Variants in SLC14A2 observed in about 807,000 individuals in gnomAD.
SLC14A2 encodes the protein urea transporter 2.
Under a neutral mutation model 104.6 loss-of-function variants are expected in SLC14A2, and 91 were observed. The observed-to-expected ratio is 0.87, with a 90% CI of 0.73 to 1.04. The LOEUF is 1.04. Ranked by LOEUF, SLC14A2 falls within the 50% of genes least tolerant of loss-of-function variation. The pLI, the probability that SLC14A2 is intolerant of heterozygous loss-of-function variation, is 0.00. For missense variants in SLC14A2, 1,189 were observed against 1,156.0 expected, an observed-to-expected ratio of 1.03 and a Z score of -0.41; for synonymous variants, 476 against 466.4, an observed-to-expected ratio of 1.02 and a Z score of -0.27.
intron 1 of SLC14A2, among the ~76,000 whole-genome samples, chr18:45,218,563 A>G (rs921530785): frequency 2.0e-5 from 3 of 152,256 alleles, no homozygotes; most frequent in South Asian, 2.1e-4. Context: ...AATATATGCC[A>G]TGTGGTACCC....
chr18:45,542,048 T>TTTG (rs2043895070), intron 2 of SLC14A2, among the ~76,000 whole-genome samples: 1 of 130,852 alleles, frequency 7.6e-6, no homozygotes, highest in South Asian at 2.6e-4. Context: ...TTTTTTTTTT[T>TTTG]TTTTTTTTTT....
At chr18:45,241,894 C>T (rs372096968) in intron 1 of SLC14A2, among the ~76,000 whole-genome samples, 17 of 152,104 alleles carry the variant, frequency 1.1e-4, no homozygotes, top group African/African-American at 3.4e-4. Flanking sequence ...TCACCTGCCT[C>T]GGCCTCCCAA....
intron 1 of SLC14A2, among the ~76,000 whole-genome samples, chr18:45,443,338 G>A (rs1266563393): frequency 3.9e-5 from 6 of 152,184 alleles, no homozygotes; most frequent in African/African-American, 1.4e-4. Context: ...GCAAAGTAAG[G>A]ATAACTATGT....
intron 1 of SLC14A2, among the ~76,000 whole-genome samples, chr18:45,284,085 T>G (rs938324656): frequency 6.6e-6 from 1 of 152,254 alleles, no homozygotes; most frequent in Non-Finnish European, 1.5e-5. Context: ...TATTTTTAAA[T>G]GTGACTGTAA....
At chr18:45,681,748 T>C (rs1002714241) in intron 19 of SLC14A2, among the ~76,000 whole-genome samples, 1 of 152,218 alleles carries the variant, frequency 6.6e-6, no homozygotes, top group African/African-American at 2.4e-5. Context: ...CCCAGTTTTT[T>C]CAGTTCCAGA....
intron 1 of SLC14A2, among the ~76,000 whole-genome samples, chr18:45,233,864 C>T (rs2084200069): frequency 6.7e-6 from 1 of 149,504 alleles, no homozygotes; most frequent in Non-Finnish European, 1.5e-5. Context: ...TTGCTTCTTA[C>T]CTTCTCACTT....
chr18:45,498,509 T>C (rs1027899013), intron 2 of SLC14A2, among the ~76,000 whole-genome samples: 1 of 152,286 alleles, frequency 6.6e-6, no homozygotes, highest in Admixed American at 6.5e-5. Context: ...ACACCATAAG[T>C]TCTACGGTAG....
intron 1 of SLC14A2, among the ~76,000 whole-genome samples, chr18:45,392,837 G>C (rs1313313574): frequency 6.6e-6 from 1 of 152,136 alleles, no homozygotes; most frequent in African/African-American, 2.4e-5. Context: ...AGTAAATGAA[G>C]ATAAAGCATG....
At chr18:45,407,569 G>A (rs1261086808) in intron 1 of SLC14A2, among the ~76,000 whole-genome samples, 1 of 152,184 alleles carries the variant, frequency 6.6e-6, no homozygotes, top group African/African-American at 2.4e-5. Flanking sequence ...ACTGGCTCAA[G>A]AATCCTAGCT....
At chr18:45,531,476 T>G (rs2043686251) in intron 2 of SLC14A2, among the ~76,000 whole-genome samples, 1 of 152,226 alleles carries the variant, frequency 6.6e-6, no homozygotes, top group South Asian at 2.1e-4. Flanking sequence ...TTTCATGTGT[T>G]TTTTGGCTGC....
At chr18:45,308,493 A>G (rs2085046298) in intron 1 of SLC14A2, among the ~76,000 whole-genome samples, 1 of 152,218 alleles carries the variant, frequency 6.6e-6, no homozygotes, top group African/African-American at 2.4e-5. Context: ...GAACTGCCAT[A>G]TTAATCGCTG....
chr18:45,618,719 T>TTGAGATTCA (rs1395266069), intron 1 of SLC14A2, among the ~76,000 whole-genome samples: 1 of 148,366 alleles, frequency 6.7e-6, no homozygotes, highest in Non-Finnish European at 1.5e-5. Context: ...ATGGGGCCAT[T>TTGAGATTCA]TGAGATTCAT....
chr18:45,422,261 C>T (rs1457054594), intron 1 of SLC14A2, among the ~76,000 whole-genome samples: 1 of 152,076 alleles, frequency 6.6e-6, no homozygotes, highest in African/African-American at 2.4e-5. Flanking sequence ...GCAGCTATTA[C>T]AGTGGTTTGA....
At chr18:45,531,643 T>C (rs960601736) in intron 2 of SLC14A2, among the ~76,000 whole-genome samples, 11 of 152,372 alleles carry the variant, frequency 7.2e-5, no homozygotes, top group African/African-American at 2.6e-4. Context: ...TCTCCCATTC[T>C]GTAGGTTGCC....
chr18:45,673,696 G>A lies in SLC14A2; in HGVS notation c.2391G>A (p.Ala797=), dbSNP rs1280014583. Residue 797 remains alanine, a synonymous_variant, in exon 18 of 20, where the codon GCG becomes GCA. Transcript: ENST00000255226. ...CTTCTGTCACAGCACTCACTATTGC[G>A]ACGCCCTTTGACTCCATCTACTTCG... ...TMGMLAALTI[A]TPFDSIYFGL... 3 of 1,614,010 alleles carry A rather than the reference G, an allele frequency of 1.9e-6. No homozygotes were observed. The highest frequency in any genetic ancestry group is 8.5e-7 in the Non-Finnish European group (1 of 1,179,950).
intron 1 of SLC14A2, chr18:45,483,037 C>T (rs1173083133): frequency 6.6e-6 from 1 of 152,094 alleles, no homozygotes; most frequent in Non-Finnish European, 1.5e-5. Flanking sequence ...TTAAGTGTTC[C>T]TGGGTTAACA....
chr18:45,426,698 T>TAC (rs34456057), intron 1 of SLC14A2, among the ~76,000 whole-genome samples: 33,560 of 140,776 alleles, frequency 0.24, 3,878 homozygotes, highest in South Asian at 0.41. Flanking sequence ...TATACATACA[T>TAC]ACACACACAC....
At chr18:45,302,890 A>G (rs1261350390) in intron 1 of SLC14A2, among the ~76,000 whole-genome samples, 1 of 152,184 alleles carries the variant, frequency 6.6e-6, no homozygotes, top group Non-Finnish European at 1.5e-5. Flanking sequence ...TACCAAAACA[A>G]TTCCTCAGGA....
rs536128100 is a variant in SLC14A2, at chr18:45,287,020, T to C, written c.-125+73829T>C. ...TTACCCAGTGGAAAATGGGCCAGCCTTGTTCATTAGAGCTCCCTTCTCCAA... is the reference window on the plus strand; with the variant it reads ...TTACCCAGTGGAAAATGGGCCAGCCCTGTTCATTAGAGCTCCCTTCTCCAA... On this transcript the variant is annotated intron_variant, in intron 1 of 20. Transcript: ENST00000586448. Among the ~76,000 whole-genome samples the C allele has an allele frequency of 4.0e-3, 611 of 152,332 alleles. 2 individuals are homozygous for C. Among genetic ancestry groups the C allele is most frequent in the African/African-American group, 0.014 (583 of 41,570 alleles).
Sources: gnomAD v4.1 joint callset for allele counts (sites outside exome capture counted in the v4.1 genomes callset) on GRCh38, gnomAD v4.1.1 for gene constraint, MANE v1.5 for transcripts, NCBI Gene and HGNC (gene_info 2026-07-23, HGNC 2026-07-21) for gene names.